The following MAPK13 variants were observed in gnomAD, a reference collection of about 807,000 sequenced individuals.
MAPK13 encodes the protein MAP kinase 13.
A neutral mutation model predicts 53.5 loss-of-function variants in MAPK13; 39 were observed. The ratio of observed to expected loss-of-function variants is 0.73; its 90% confidence interval spans 0.56 to 0.95. MAPK13 has a LOEUF of 0.95. Among genes scored for constraint, MAPK13 ranks in the 40% least tolerant of loss-of-function variants. MAPK13 has a pLI of 0.00. For synonymous variants in MAPK13, 179 were observed against 190.9 expected (o/e 0.94, Z 0.51); for missense variants, 460 against 471.8 (o/e 0.98, Z 0.23).
Position 36,141,589 on chromosome 6 carries a change from T to C in MAPK13, c.*2216T>C, listed in dbSNP as rs982307732. The C allele has an allele frequency of 1.3e-5, 2 of 152,262 alleles. No homozygotes were observed. Among genetic ancestry groups the C allele is most frequent in the African/African-American group, 4.8e-5 (2 of 41,428 alleles). 9.4% of individuals were successfully genotyped at this position (152,262 alleles called of 1,614,324 possible). ...ACTCGGGAGGCTGAGGCAGAATTGCTTGAACCTGGGAGGTGGAGGTTGCAG... is the reference window on the plus strand; with the variant it reads ...ACTCGGGAGGCTGAGGCAGAATTGCCTGAACCTGGGAGGTGGAGGTTGCAG... On this transcript the variant is annotated 3_prime_UTR_variant, in exon 12 of 12. Coordinates refer to ENST00000211287, the MANE Select transcript of MAPK13 (RefSeq NM_002754.5).
Position 36,130,719 on chromosome 6 carries a change from CT to C in MAPK13, c.119+19del, listed in dbSNP as rs1766299923. 1.4e-6 allele frequency: 1 copy of C among 690,860 alleles called. No individual in the cohort carries two copies. The highest frequency in any genetic ancestry group is 2.1e-6 in the Non-Finnish European group (1 of 465,368). 42.8% of individuals were successfully genotyped at this position (690,860 alleles called of 1,614,324 possible). A position where few individuals can be genotyped will look rare whatever the true frequency, so the allele number is the denominator to read the frequency against. Reference sequence around the variant, plus strand: ...TCCGTGTGGTGAGACCCCTGGGCCGCTGGGGGGCGGGGGGCGGGCGCCAGGC... The same window carrying C: ...TCCGTGTGGTGAGACCCCTGGGCCGCGGGGGGCGGGGGGCGGGCGCCAGGC... On this transcript the variant is annotated intron_variant, in intron 1 of 11. Coordinates refer to ENST00000211287, the MANE Select transcript of MAPK13 (RefSeq NM_002754.5). This position sits in a 1 kb window ranked among gnomAD's most constrained non-coding sequence, Gnocchi z 4.5.
In MAPK13 at chr6:36,135,767, CCT is replaced by C; in HGVS notation, c.324_325del (p.Phe109HisfsTer15). 1.2e-6 allele frequency: 2 copies of C among 1,613,184 alleles called. No homozygotes were observed. The highest frequency in any genetic ancestry group is 1.7e-6 in the Non-Finnish European group (2 of 1,179,408). ...ATGCCTTCCAGCTACCTGGTGATGC[CCT>C]TCATGCAGACGGATCTGCAGAAGAT... is the stretch of plus-strand genomic sequence containing the variant. On this transcript the variant is annotated frameshift_variant, in exon 4 of 12. Coordinates refer to ENST00000211287, the MANE Select transcript of MAPK13 (RefSeq NM_002754.5). LOFTEE classifies it high-confidence loss of function.
rs1393717422 is a variant in MAPK13 at position 36,130,532 on chromosome 6, G to A, written c.-51G>A. The A allele has an allele frequency of 1.7e-5, 16 of 948,190 alleles. No individual in the cohort carries two copies. Among genetic ancestry groups the A allele is most frequent in the Non-Finnish European group, 2.5e-5 (16 of 640,978 alleles). The allele number at this position is 948,190 out of a possible 1,614,324, so 58.7% of individuals were successfully genotyped here. ...GGGGTCGGGGCGCTGGGAGCCCGTT[G>A]GGCCGCGAACGCAGCCGCCACGCTG... On this transcript the variant is annotated 5_prime_UTR_variant, in exon 1 of 12. Transcript: ENST00000211287. This position sits in a 1 kb window ranked among gnomAD's most constrained non-coding sequence, Gnocchi z 4.5.
rs149282946 is a variant in MAPK13 at position 36,142,467 on chromosome 6, C to G, written c.*3094C>G. On this transcript the variant is annotated 3_prime_UTR_variant, in exon 12 of 12. Coordinates refer to ENST00000211287, the MANE Select transcript of MAPK13 (RefSeq NM_002754.5). The surrounding 1 kb of genome is among the most constrained non-coding windows in gnomAD (Gnocchi z 4.4). The stretch of plus-strand genomic sequence containing the variant: ...CCTCCAGGCAGCTGTTCTCCATCAT[C>G]CCCCCTGGGCTGCAGGCCCTCTGTG... 4.8e-3 allele frequency: 729 copies of G among 152,532 alleles called. 4 individuals are homozygous for G. The highest frequency in any genetic ancestry group is 6.8e-3 in the Middle Eastern group (2 of 296). 9.4% of individuals were successfully genotyped at this position (152,532 alleles called of 1,614,324 possible).
Position 36,131,312 on chromosome 6 carries a change from A to G in MAPK13, c.161A>G (p.Lys54Arg). 1 of 1,613,898 alleles carries G rather than the reference A, an allele frequency of 6.2e-7. No individual in the cohort carries two copies. Among genetic ancestry groups the G allele is most frequent in the Non-Finnish European group, 8.5e-7 (1 of 1,179,926 alleles). ...CGGTCAGGGGAGAAGGTGGCCATCAAGAAGCTGAGCCGACCCTTTCAGTCC... is the reference window on the plus strand; with the variant it reads ...CGGTCAGGGGAGAAGGTGGCCATCAGGAAGCTGAGCCGACCCTTTCAGTCC... ...DKRSGEKVAI[K>R]KLSRPFQSEI... The change falls in exon 2 of 12, where the codon AAG (lysine) becomes AGG (arginine). Residue 54 changes from lysine (K) to arginine (R), a missense_variant. Coordinates refer to ENST00000211287, the MANE Select transcript of MAPK13 (RefSeq NM_002754.5).
Position 36,138,804 on chromosome 6 carries a change from AG to A in MAPK13, c.841+28del, listed in dbSNP as rs1386689224. Reference sequence around the variant, plus strand: ...GGGTGAGTCTCAGAGCCCGCTCCCCAGGGGCCTCTCAGCGTATCCCAGAGGG... The same window carrying A: ...GGGTGAGTCTCAGAGCCCGCTCCCCAGGGCCTCTCAGCGTATCCCAGAGGG... On this transcript the variant is annotated intron_variant, in intron 10 of 11. Transcript: ENST00000211287. 2.5e-6 allele frequency: 4 copies of A among 1,613,944 alleles called. No individual in the cohort carries two copies. The East Asian group carries it at 6.7e-5, about 27-fold the overall frequency.
chr6:36,130,858 T>G lies in MAPK13; in HGVS notation c.119+157T>G. The G allele has an allele frequency of 1.9e-6, 1 of 515,246 alleles. No individual in the cohort carries two copies. The highest frequency in any genetic ancestry group is 2.5e-5 in the South Asian group (1 of 40,490). 31.9% of individuals were successfully genotyped at this position (515,246 alleles called of 1,614,324 possible). ...GGCCACCCAGCGGCCATCTCCCTTT[T>G]CTCACCGAGTGGCTGAGTGAGGTCT... On this transcript the variant is annotated intron_variant, in intron 1 of 11. Coordinates refer to ENST00000211287, the MANE Select transcript of MAPK13 (RefSeq NM_002754.5). This position sits in a 1 kb window ranked among gnomAD's most constrained non-coding sequence, Gnocchi z 4.5.
In MAPK13 at chr6:36,136,042, G is replaced by A; in HGVS notation, c.441G>A (p.Val147=). ...AGTACATCCACTCTGCTGGGGTCGT[G>A]CACAGGGTGAGTGCTTTCTCTGCCA... The part of the protein sequence containing the change: ...GLKYIHSAGV[V]HRDLKPGNLA... The change falls in exon 5 of 12, where the codon GTG becomes GTA. Residue 147 remains valine (V), a synonymous_variant. Coordinates refer to ENST00000211287, the MANE Select transcript of MAPK13 (RefSeq NM_002754.5). 6.2e-7 allele frequency: 1 copy of A among 1,614,110 alleles called. No homozygotes were observed. The highest frequency in any genetic ancestry group is 1.1e-5 in the South Asian group (1 of 91,078).
rs1203831725 is a variant in MAPK13, at chr6:36,140,182, AT to A, written c.*811del. ...GGAACCCAATGTGTTTGGCTGCTAA[AT>A]TAAGGGAGTTGCAGAGAGAGCTGCA... is the stretch of plus-strand genomic sequence containing the variant. On this transcript the variant is annotated 3_prime_UTR_variant, in exon 12 of 12. Transcript: ENST00000211287. 1.3e-5 allele frequency: 2 copies of A among 152,144 alleles called. No homozygotes were observed. Among genetic ancestry groups the A allele is most frequent in the East Asian group, 3.9e-4 (2 of 5,186 alleles). The allele number at this position is 152,144 out of a possible 1,614,324, so 9.4% of individuals were successfully genotyped here. A position where few individuals can be genotyped will look rare whatever the true frequency, so the allele number is the denominator to read the frequency against.
rs1294997881 is a variant in MAPK13 at position 36,139,669 on chromosome 6, T to C, written c.*296T>C. On this transcript the variant is annotated 3_prime_UTR_variant, in exon 12 of 12. Coordinates refer to ENST00000211287, the MANE Select transcript of MAPK13 (RefSeq NM_002754.5). ...GGCGCTGAGCCAGGCCGGGGGCCTA[T>C]GGCAGTGATGCTGTGTTGGTTTCCT... 2.4e-6 allele frequency: 1 copy of C among 411,884 alleles called. No homozygotes were observed. The highest frequency in any genetic ancestry group is 4.5e-6 in the Non-Finnish European group (1 of 223,942). The allele number at this position is 411,884 out of a possible 1,614,324, so 25.5% of individuals were successfully genotyped here. A position where few individuals can be genotyped will look rare whatever the true frequency, so the allele number is the denominator to read the frequency against.
At position 36,130,975 on chromosome 6, in the gene MAPK13, C is replaced by A. The variant is rs761183268; in HGVS notation, c.119+274C>A. The A allele has an allele frequency of 4.5e-5, 24 of 527,526 alleles. No individual in the cohort carries two copies. The highest frequency in any genetic ancestry group is 1.0e-4 in the Admixed American group (3 of 28,600). The allele number at this position is 527,526 out of a possible 1,614,324, so 32.7% of individuals were successfully genotyped here. On this transcript the variant is annotated intron_variant, in intron 1 of 11. Coordinates refer to ENST00000211287, the MANE Select transcript of MAPK13 (RefSeq NM_002754.5). This position sits in a 1 kb window ranked among gnomAD's most constrained non-coding sequence, Gnocchi z 4.5. ...TCGGGCAGATCCTCACTGTTACAGA[C>A]GAGTACACCGAGGCCCCAAGAGGGG... is the stretch of plus-strand genomic sequence containing the variant.
In MAPK13 at chr6:36,131,528, G is replaced by A. The variant is rs903228400; in HGVS notation, c.249+128G>A. ...CCCTGCTCCCCTGACGGTGCCTCTC[G>A]CCTCACTATTGAAAGGAGGGGGTGC... On this transcript the variant is annotated intron_variant, in intron 2 of 11. Coordinates refer to ENST00000211287, the MANE Select transcript of MAPK13 (RefSeq NM_002754.5). 3.3e-6 allele frequency: 3 copies of A among 911,686 alleles called. No individual in the cohort carries two copies. The South Asian group carries it at 5.0e-5, about 15-fold the overall frequency. The allele number at this position is 911,686 out of a possible 1,614,324, so 56.5% of individuals were successfully genotyped here. A position where few individuals can be genotyped will look rare whatever the true frequency, so the allele number is the denominator to read the frequency against.
In MAPK13 at chr6:36,139,306, A is replaced by G; in HGVS notation, c.1031A>G (p.Lys344Arg). 1.2e-6 allele frequency: 2 copies of G among 1,613,962 alleles called. No homozygotes were observed. The highest frequency in any genetic ancestry group is 8.5e-7 in the Non-Finnish European group (1 of 1,179,956). Reference protein sequence around the residue: ...TVDEWKQHIYKEIVNFSPIAR... With the variant: ...TVDEWKQHIYREIVNFSPIAR... Reference sequence around the variant, plus strand: ...CTGCCTTTCTCAGAGCACATCTACAAGGAGATTGTGAACTTCAGCCCCATT... The same window carrying G: ...CTGCCTTTCTCAGAGCACATCTACAGGGAGATTGTGAACTTCAGCCCCATT... The change falls in exon 12 of 12, where the codon AAG becomes AGG. Residue 344 changes from lysine to arginine, a missense_variant. Physicochemically the swap from Lys to Arg is conservative, Grantham distance 26. Transcript: ENST00000211287.
In MAPK13 at chr6:36,141,157, C is replaced by G. The variant is rs996866511; in HGVS notation, c.*1784C>G. 6 of 152,062 alleles carry G rather than the reference C, an allele frequency of 3.9e-5. No homozygotes were observed. The highest frequency in any genetic ancestry group is 7.4e-5 in the Non-Finnish European group (5 of 68,026). 9.4% of individuals were successfully genotyped at this position (152,062 alleles called of 1,614,324 possible). ...TGTATAATACTGTAATGGTGGATAC[C>G]TATTGTGCATTTGTTACCATCTGTA... On this transcript the variant is annotated 3_prime_UTR_variant, in exon 12 of 12. Transcript: ENST00000211287.
chr6:36,134,494 G>A (rs1250195984), intron 3 of MAPK13, among the ~76,000 whole-genome samples: 3 of 152,196 alleles, frequency 2.0e-5, no homozygotes, highest in Non-Finnish European at 4.4e-5. Flanking sequence ...CTAGGCTCAA[G>A]CCATCCTCCC....
rs918596463 is a variant in MAPK13 at position 36,139,537 on chromosome 6, C to T, written c.*164C>T. On this transcript the variant is annotated 3_prime_UTR_variant, in exon 12 of 12. Transcript: ENST00000211287. ...TAGTAGATGCAGAATTCAAAGATGT[C>T]GGTTGGGAGAAACTAGCTCTGATCC... is the stretch of plus-strand genomic sequence containing the variant. 8.0e-5 allele frequency: 49 copies of T among 610,242 alleles called. No homozygotes were observed. Among genetic ancestry groups the T allele is most frequent in the South Asian group, 4.4e-4 (23 of 52,118 alleles). 37.8% of individuals were successfully genotyped at this position (610,242 alleles called of 1,614,324 possible).
At chr6:36,135,894 C>A in intron 4 of MAPK13, 33 bp downstream of exon 4, 1 of 1,593,768 alleles carries the variant, frequency 6.3e-7, no homozygotes, top group Non-Finnish European at 8.6e-7. Context: ...GCAGAGGGGA[C>A]GCCTTGCTGT....
intron 3 of MAPK13, among the ~76,000 whole-genome samples, chr6:36,133,220 G>A (rs931327153): frequency 6.6e-6 from 1 of 152,234 alleles, no homozygotes; most frequent in African/African-American, 2.4e-5. Context: ...GTGGAGGCCA[G>A]CAGCTGGCTT....
In MAPK13 at chr6:36,143,663, A is replaced by T. The variant is rs1422536265; in HGVS notation, c.*4290A>T. Reference sequence around the variant, plus strand: ...GGAGGCTCCCCTTCCTTCATTACACAGTGAACTCATGTGCTCTATCTGCAT... The same window carrying T: ...GGAGGCTCCCCTTCCTTCATTACACTGTGAACTCATGTGCTCTATCTGCAT... On this transcript the variant is annotated 3_prime_UTR_variant, in exon 12 of 12. Transcript: ENST00000211287. The T allele has an allele frequency of 6.6e-6, 1 of 152,148 alleles. No individual in the cohort carries two copies. Among genetic ancestry groups the T allele is most frequent in the African/African-American group, 2.4e-5 (1 of 41,426 alleles). The allele number at this position is 152,148 out of a possible 1,614,324, so 9.4% of individuals were successfully genotyped here. A position where few individuals can be genotyped will look rare whatever the true frequency, so the allele number is the denominator to read the frequency against.
Sources: gnomAD v4.1 joint callset for allele counts (sites outside exome capture counted in the v4.1 genomes callset) on GRCh38, gnomAD v4.1.1 for gene constraint, Gnocchi (gnomAD v3.1) non-coding constraint, MANE v1.5 for transcripts, NCBI Gene and HGNC (gene_info 2026-07-23, HGNC 2026-07-21) for gene names.